The following FHL1 variants were observed in gnomAD, a reference collection of about 807,000 sequenced individuals.
FHL1 encodes the protein four and a half LIM domains protein 1.
FHL1 carries 1 observed loss-of-function variant against 20.3 expected under a neutral mutation model. The observed-to-expected ratio is 0.05, with a 90% confidence interval of 0.02 to 0.23. The LOEUF is 0.23. FHL1 is among the 10% of genes least tolerant of loss of function. The probability of loss-of-function intolerance (pLI) is 1.00; values close to 1 mark genes in which losing one functional copy is unlikely to be tolerated. For missense variants in FHL1, 177 were observed against 234.0 expected, an observed-to-expected ratio of 0.76 and a Z score of 1.59; for synonymous variants, 82 against 88.9, an observed-to-expected ratio of 0.92 and a Z score of 0.44.
At chrX:136,194,152 T>A (rs2073499019), upstream of FHL1, among the ~76,000 whole-genome samples, 1 of 112,122 alleles carries the variant, frequency 8.9e-6, no homozygotes, top group South Asian at 3.7e-4. Flanking sequence ...GATCTCTCCC[T>A]GTGATAAATG....
intron 2 of FHL1, among the ~76,000 whole-genome samples, chrX:136,186,669 A>G (rs1000596854): frequency 3.6e-5 from 4 of 110,038 alleles, no homozygotes; most frequent in Middle Eastern, 4.6e-3. Flanking sequence ...CCTGGCCAAC[A>G]TGGTGAAACT....
At chrX:136,184,547 T>G (rs762240862) in intron 2 of FHL1, among the ~76,000 whole-genome samples, 1 of 111,959 alleles carries the variant, frequency 8.9e-6, no homozygotes, top group African/African-American at 3.2e-5. Context: ...TAAATAAAAC[T>G]AAAATAGCCA....
intron 2 of FHL1, among the ~76,000 whole-genome samples, chrX:136,176,305 T>A (rs1378565862): frequency 8.9e-6 from 1 of 112,657 alleles, no homozygotes; most frequent in Admixed American, 9.4e-5. Flanking sequence ...AAATTGGCTT[T>A]AAGGTCATGA....
upstream of FHL1, chrX:136,168,326 G>A (rs754926397): frequency 8.9e-6 from 1 of 111,934 alleles, no homozygotes; most frequent in South Asian, 3.8e-4. Context: ...GGTGGGAGAT[G>A]AGATGGAGTA....
rs1246751523 is a variant in FHL1 at position 136,210,685 on chromosome X, G to C, written c.*660G>C. 4.9e-5 allele frequency: 19 copies of C among 388,360 alleles called. No homozygotes were observed. The highest frequency in any genetic ancestry group is 8.2e-5 in the Non-Finnish European group (17 of 206,693). The allele number at this position is 388,360 out of a possible 1,213,427, so 32.0% of individuals were successfully genotyped here. A position where few individuals can be genotyped will look rare whatever the true frequency, so the allele number is the denominator to read the frequency against. ...CTGAGCGTTCCTACTTTAAAGCATG[G>C]AACATGCAGGTGATTTGGGAAGTGT... On this transcript the variant is annotated 3_prime_UTR_variant, in exon 6 of 6. Coordinates refer to ENST00000370683, the MANE Select transcript of FHL1 (RefSeq NM_001159699.2).
chrX:136,209,445 A>T, intron 5 of FHL1: 1 of 1,210,028 alleles, frequency 8.3e-7, no homozygotes, highest in Non-Finnish European at 1.1e-6. Flanking sequence ...GAGGCCCGGT[A>T]AGTGCACACC....
intron 1 of FHL1, among the ~76,000 whole-genome samples, chrX:136,203,608 T>A (rs1475664216): frequency 8.9e-6 from 1 of 112,315 alleles, no homozygotes. Flanking sequence ...GATTATTTTA[T>A]CATCTGGATG....
At chrX:136,206,204 C>G (rs1319567308) in intron 1 of FHL1, 4 of 486,209 alleles carry the variant, frequency 8.2e-6, no homozygotes, top group Admixed American at 3.0e-5. Flanking sequence ...TCTGGCCCCG[C>G]GGGGTGCTTT....
chrX:136,169,832 T>C (rs761148082), intron 1 of FHL1: 14 of 329,903 alleles, frequency 4.2e-5, no homozygotes, highest in Non-Finnish European at 8.2e-5. Context: ...GTTGACTTTA[T>C]TTTTTTAGAA....
At chrX:136,156,610 A>G (rs759900981) in intron 1 of FHL1, among the ~76,000 whole-genome samples, 37 of 111,799 alleles carry the variant, frequency 3.3e-4, no homozygotes, top group African/African-American at 1.2e-3. Context: ...TAACAGTCAC[A>G]AGGTTTTAAA....
In FHL1 at chrX:136,160,422, TTTTG is replaced by T. The variant is rs781320889; in HGVS notation, c.-100-9469_-100-9466del. 2.8e-3 allele frequency among the ~76,000 whole-genome samples: 314 copies of T among 111,808 alleles called. 2 individuals carry two copies. The highest frequency in any genetic ancestry group is 5.3e-3 in the South Asian group (14 of 2,661). ...ATTATAGAGTTCGCCTGTTTAGTTT[TTTTG>T]TTTGTTTGTTTGTTTTTTTTGAAAC... On this transcript the variant is annotated intron_variant, in intron 1 of 7. Coordinates refer to the FHL1 transcript ENST00000394155.
intron 1 of FHL1, among the ~76,000 whole-genome samples, chrX:136,151,867 T>C (rs2072273873): frequency 8.9e-6 from 1 of 112,034 alleles, no homozygotes; most frequent in African/African-American, 3.2e-5. Flanking sequence ...GGAACCACAC[T>C]CAGAGAGGTA....
chrX:136,180,412 G>A (rs1282292578), intron 2 of FHL1, among the ~76,000 whole-genome samples: 1 of 108,630 alleles, frequency 9.2e-6, no homozygotes, highest in Non-Finnish European at 1.9e-5. Context: ...ATTCAGATCA[G>A]GAAGTTATCA....
rs1375746393 is a variant in FHL1 at position 136,190,050 on chromosome X, T to C, written c.-26-16357T>C. 5.4e-5 allele frequency among the ~76,000 whole-genome samples: 6 copies of C among 112,064 alleles called. No homozygotes were observed. The East Asian group carries it at 1.7e-3, about 31-fold the overall frequency. On this transcript the variant is annotated intron_variant, in intron 2 of 6. Coordinates refer to the FHL1 transcript ENST00000394153. ...GTTTCACTCTCTGTACCTTAGATAA[T>C]CTGGTCTTATTTATACCAGTTAGGT...
intron 2 of FHL1, among the ~76,000 whole-genome samples, chrX:136,178,150 T>A (rs1309058440): frequency 5.4e-5 from 6 of 111,803 alleles, no homozygotes; most frequent in African/African-American, 1.6e-4. Flanking sequence ...TCATCATCAT[T>A]ATCATTGTCA....
upstream of FHL1, chrX:136,147,327 G>C (rs1307402525): frequency 9.8e-5 from 1 of 10,245 alleles, no homozygotes; most frequent in Admixed American, 1.5e-3. Flanking sequence ...CGCCCGTCCG[G>C]CCGTCTCCCG....
chrX:136,171,271 C>T (rs2072859574), intron 2 of FHL1, among the ~76,000 whole-genome samples: 1 of 111,005 alleles, frequency 9.0e-6, no homozygotes, highest in African/African-American at 3.3e-5. Flanking sequence ...ATGATAGAAA[C>T]CTATCTTCAA....
chrX:136,178,577 T>TA (rs2073067544), intron 2 of FHL1, among the ~76,000 whole-genome samples: 1 of 100,841 alleles, frequency 9.9e-6, no homozygotes, highest in South Asian at 5.2e-4. Flanking sequence ...ACCTGGGTGA[T>TA]AGAGTGAGAC....
At chrX:136,207,761 A>C in intron 3 of FHL1, 31 bp from the exon 4 acceptor site, 2 of 1,206,830 alleles carry the variant, frequency 1.7e-6, no homozygotes, top group South Asian at 3.5e-5. Flanking sequence ...AGAGCCTGTC[A>C]GTGGGGCTAT....
Sources: gnomAD v4.1 joint callset for allele counts (sites outside exome capture counted in the v4.1 genomes callset) on GRCh38, gnomAD v4.1.1 for gene constraint, MANE v1.5 for transcripts, NCBI Gene and HGNC (gene_info 2026-07-23, HGNC 2026-07-21) for gene names.